The following B9D1 variants were observed in gnomAD, a reference collection of about 807,000 sequenced individuals.
B9D1 encodes B9 domain containing 1, also known as B9 domain-containing protein 1.
Under a neutral mutation model 26.1 loss-of-function variants are expected in B9D1, and 20 were observed. The ratio of observed to expected loss-of-function variants is 0.77; its 90% CI spans 0.54 to 1.12. The LOEUF (loss-of-function observed/expected upper bound fraction) is 1.12, where lower values mean the gene tolerates loss of function less well. B9D1 is among the 50% of genes most tolerant of loss of function. The probability of loss-of-function intolerance (pLI) is 0.00; values close to 1 mark genes in which losing one functional copy is unlikely to be tolerated. For synonymous variants in B9D1, 105 were observed against 103.1 expected, an observed-to-expected ratio of 1.02 and a Z score of -0.11; for missense variants, 260 against 273.7, an observed-to-expected ratio of 0.95 and a Z score of 0.35.
chr17:19,340,555 G>A (rs183832005), downstream of B9D1, among the ~76,000 whole-genome samples: 1 of 151,102 alleles, frequency 6.6e-6, no homozygotes, highest in East Asian at 2.0e-4. Context: ...TGGTGCAGGC[G>A]GATCACCTGC....
intron 3 of B9D1, among the ~76,000 whole-genome samples, chr17:19,354,648 T>C (rs1338606760): frequency 6.6e-6 from 1 of 151,948 alleles, no homozygotes; most frequent in Non-Finnish European, 1.5e-5. Context: ...GCCAAAATGG[T>C]GAAACCCCAT....
chr17:19,368,045 GTC>G (rs1299834173), intron 1 of B9D1, among the ~76,000 whole-genome samples: 3 of 152,218 alleles, frequency 2.0e-5, no homozygotes, highest in Non-Finnish European at 4.4e-5. Context: ...AGGGCCTAGA[GTC>G]TGACATGGGG....
chr17:19,347,110 G>A lies in B9D1; in HGVS notation c.404+159C>T, dbSNP rs764760073. 2.3e-5 allele frequency: 36 copies of A among 1,573,190 alleles called. No individual in the cohort carries two copies. The highest frequency in any genetic ancestry group is 2.7e-5 in the Non-Finnish European group (31 of 1,158,934). Reference sequence around the variant, plus strand: ...CTGGAACAGGGCTGAAGGGAGCCCCGTGACTCAGCACTCCCAGGGGACCTG... The same window carrying A: ...CTGGAACAGGGCTGAAGGGAGCCCCATGACTCAGCACTCCCAGGGGACCTG... On this transcript the variant is annotated intron_variant, in intron 5 of 6. Coordinates refer to ENST00000261499, the MANE Select transcript of B9D1 (RefSeq NM_015681.6). This position sits in a 1 kb window ranked among gnomAD's most constrained non-coding sequence, Gnocchi z 4.3.
Position 19,355,918 on chromosome 17 carries a change from C to G in B9D1, c.244+1922G>C, listed in dbSNP as rs181129801. Among the ~76,000 whole-genome samples, 270 of 152,274 alleles carry G rather than the reference C, an allele frequency of 1.8e-3. 1 individual carries two copies. Among genetic ancestry groups the G allele is most frequent in the African/African-American group, 6.0e-3 (250 of 41,562 alleles). ...TTGATCATAGTAAAAATATATCTGACAATTTCAGTGTCTAGAGATTCTGTT... is the reference window on the plus strand; with the variant it reads ...TTGATCATAGTAAAAATATATCTGAGAATTTCAGTGTCTAGAGATTCTGTT... On this transcript the variant is annotated intron_variant, in intron 3 of 6. Transcript: ENST00000261499.
At chr17:19,351,907 A>G (rs1289927371) in intron 3 of B9D1, among the ~76,000 whole-genome samples, 2 of 151,762 alleles carry the variant, frequency 1.3e-5, no homozygotes, top group African/African-American at 4.8e-5. Flanking sequence ...TTTTTTAGAG[A>G]TAGGGTCTAG....
At position 19,343,474 on chromosome 17, in the gene B9D1, G is replaced by T; in HGVS notation, c.473-13C>A. The T allele has an allele frequency of 6.2e-7, 1 of 1,614,138 alleles. No individual in the cohort carries two copies. Among genetic ancestry groups the T allele is most frequent in the South Asian group, 1.1e-5 (1 of 91,072 alleles). ...CGGACACGGGTCACTGGGGACAGAA[G>T]GGCAGCATCAGCCAGGCTGGGCTGG... On this transcript the variant is annotated splice_polypyrimidine_tract_variant and intron_variant, in intron 6 of 6. Coordinates refer to ENST00000261499, the MANE Select transcript of B9D1 (RefSeq NM_015681.6).
chr17:19,341,046 G>A, downstream of B9D1: 1 of 982,408 alleles, frequency 1.0e-6, no homozygotes, highest in Non-Finnish European at 1.3e-6. Context: ...TCTAGGTGGT[G>A]GGTATGTGGT....
At chr17:19,335,531 G>T, downstream of B9D1, 1 of 1,503,530 alleles carries the variant, frequency 6.7e-7, no homozygotes, top group African/African-American at 1.4e-5. Context: ...GGGATAATGT[G>T]GAAATGGCAG....
At chr17:19,352,501 A>T (rs1823068258) in intron 3 of B9D1, among the ~76,000 whole-genome samples, 1 of 145,730 alleles carries the variant, frequency 6.9e-6, no homozygotes, top group Admixed American at 6.9e-5. Context: ...GGCACCTGCC[A>T]CGGGCCTGGC....
chr17:19,369,609 G>T (rs550504324), intron 1 of B9D1, among the ~76,000 whole-genome samples: 2 of 152,078 alleles, frequency 1.3e-5, no homozygotes, highest in Non-Finnish European at 2.9e-5. Flanking sequence ...GTGTGGGTGT[G>T]GGGGGAAAGC....
In B9D1 at chr17:19,370,596, G is replaced by A. The variant is rs1911843897; in HGVS notation, c.-298+7263C>T. Among the ~76,000 whole-genome samples, 1 of 152,200 alleles carries A rather than the reference G, an allele frequency of 6.6e-6. No homozygotes were observed. The highest frequency in any genetic ancestry group is 6.5e-5 in the Admixed American group (1 of 15,286). Reference sequence around the variant, plus strand: ...ATAGAGGACTGCAGCACCAATGGTGGAACTCCAGGCGTGGTGACAGGATGT... The same window carrying A: ...ATAGAGGACTGCAGCACCAATGGTGAAACTCCAGGCGTGGTGACAGGATGT... On this transcript the variant is annotated intron_variant, in intron 1 of 5. Transcript: ENST00000477478. This position sits in a 1 kb window ranked among gnomAD's most constrained non-coding sequence, Gnocchi z 5.1.
chr17:19,362,891 G>A, upstream of B9D1: 1 of 487,250 alleles, frequency 2.1e-6, no homozygotes, highest in Non-Finnish European at 3.7e-6. Context: ...CACGCGCAGG[G>A]AGTGTGTGTT....
chr17:19,341,546 T>C (rs1174534101), downstream of B9D1, among the ~76,000 whole-genome samples: 1 of 152,100 alleles, frequency 6.6e-6, no homozygotes, highest in African/African-American at 2.4e-5. Context: ...AGGCAGCTAA[T>C]GTGGGGTGGT....
chr17:19,338,300 C>G (rs184910811), downstream of B9D1, among the ~76,000 whole-genome samples: 3 of 152,326 alleles, frequency 2.0e-5, no homozygotes, highest in African/African-American at 7.2e-5. Flanking sequence ...GGGGAGCTGG[C>G]CTTTTTTGTA....
chr17:19,358,011 T>C (rs1598083605), intron 2 of B9D1, 60 bp from the exon 3 acceptor site: 2 of 1,299,692 alleles, frequency 1.5e-6, no homozygotes, highest in African/African-American at 1.5e-5. Flanking sequence ...CTGCGGCTCC[T>C]CCCCTTACCT....
At position 19,347,470 on chromosome 17, in the gene B9D1, GCTAA is replaced by G; in HGVS notation, c.342-143_342-140del. On this transcript the variant is annotated intron_variant, in intron 4 of 6. Transcript: ENST00000261499. The surrounding 1 kb of genome is among the most constrained non-coding windows in gnomAD (Gnocchi z 4.3). The stretch of plus-strand genomic sequence containing the variant: ...GCCAATGTCAACGAATCCAACCTGT[GCTAA>G]CTGAGCACCCCCTGTGTCTGGGCAA... 1 of 1,028,814 alleles carries G rather than the reference GCTAA, an allele frequency of 9.7e-7. No individual in the cohort carries two copies. Among genetic ancestry groups the G allele is most frequent in the Non-Finnish European group, 1.5e-6 (1 of 671,624 alleles). 63.7% of individuals were successfully genotyped at this position (1,028,814 alleles called of 1,614,324 possible).
chr17:19,355,486 G>A (rs1794192454), intron 3 of B9D1, among the ~76,000 whole-genome samples: 1 of 148,936 alleles, frequency 6.7e-6, no homozygotes, highest in Non-Finnish European at 1.5e-5. Context: ...CTGAAATGGC[G>A]CCACTTTACT....
intron 3 of B9D1, 148 bp downstream of exon 3, chr17:19,357,692 A>G: frequency 4.3e-6 from 3 of 704,066 alleles, no homozygotes; most frequent in Non-Finnish European, 7.9e-6. Flanking sequence ...AAAGGGACAG[A>G]TGGCGAGAGA....
At chr17:19,336,991 C>T (rs375266734), downstream of B9D1, among the ~76,000 whole-genome samples, 6 of 152,316 alleles carry the variant, frequency 3.9e-5, no homozygotes, top group African/African-American at 9.6e-5. Flanking sequence ...CTTCTGTGTC[C>T]GCCCTCTTAA....
Sources: allele counts gnomAD v4.1 joint callset (sites outside exome capture counted in the v4.1 genomes callset), GRCh38; gene constraint gnomAD v4.1.1; non-coding constraint Gnocchi (gnomAD v3.1); transcripts MANE v1.5; gene names NCBI Gene and HGNC (gene_info 2026-07-23, HGNC 2026-07-21).